The following NEURL1 variants were observed in gnomAD, a reference collection of about 807,000 sequenced individuals.
NEURL1 encodes the protein neuralized E3 ubiquitin protein ligase 1.
A neutral mutation model predicts 41.2 loss-of-function variants in NEURL1; 26 were observed. The observed-to-expected ratio is 0.63, with a 90% CI of 0.46 to 0.87. The LOEUF (loss-of-function observed/expected upper bound fraction) is 0.87, where lower values mean the gene tolerates loss of function less well. NEURL1 is among the 40% of genes least tolerant of loss of function. The probability of loss-of-function intolerance (pLI) is 0.00; values close to 1 mark genes in which losing one functional copy is unlikely to be tolerated. For synonymous variants in NEURL1, 400 were observed against 402.3 expected (o/e 0.99, Z 0.07); for missense variants, 761 against 871.1 (o/e 0.87, Z 1.59).
At chr10:103,570,803 C>T in intron 1 of NEURL1, 69 bp from the exon 2 acceptor site, 1 of 1,562,854 alleles carries the variant, frequency 6.4e-7, no homozygotes. Flanking sequence ...CTCTGCCCTT[C>T]CCTAGGGGAC....
chr10:103,530,848 G>A (rs1196172018), intron 1 of NEURL1, among the ~76,000 whole-genome samples: 2 of 152,038 alleles, frequency 1.3e-5, no homozygotes, highest in East Asian at 3.9e-4. Context: ...CCATGATTTC[G>A]GTTCTTTTAG....
chr10:103,585,192 C>A lies in NEURL1; in HGVS notation c.1306C>A (p.Leu436Met). Residue 436 changes from leucine to methionine, a missense_variant, in exon 4 of 6, where the codon CTG (leucine) becomes ATG (methionine). Transcript: ENST00000369780. ...GCAGCCGCTTTGGATGCTCTTCGGC[C>A]TGCACGGGACCATCACGCAGATCCG... ...ASQPLWMLFGLHGTITQIRIL... is the reference protein window; with the variant it reads ...ASQPLWMLFGMHGTITQIRIL... 1 of 1,571,842 alleles carries A rather than the reference C, an allele frequency of 6.4e-7. No homozygotes were observed. The highest frequency in any genetic ancestry group is 8.6e-7 in the Non-Finnish European group (1 of 1,162,650).
rs1232584089 is a variant in NEURL1, at chr10:103,558,981, A to C, written c.86-11891A>C. Among the ~76,000 whole-genome samples the C allele has an allele frequency of 6.6e-6, 1 of 152,092 alleles. No individual in the cohort carries two copies. Among genetic ancestry groups the C allele is most frequent in the Non-Finnish European group, 1.5e-5 (1 of 68,020 alleles). On this transcript the variant is annotated intron_variant, in intron 1 of 5. Coordinates refer to ENST00000369780, the MANE Select transcript of NEURL1 (RefSeq NM_004210.5). This position sits in a 1 kb window ranked among gnomAD's most constrained non-coding sequence, Gnocchi z 4.2. ...GAGGATGCTGGCGTACAGGGACCCGAGACATTGGCTCCCACCCCCTCCTGT... is the reference window on the plus strand; with the variant it reads ...GAGGATGCTGGCGTACAGGGACCCGCGACATTGGCTCCCACCCCCTCCTGT...
At chr10:103,514,807 G>T (rs1311588098) in intron 1 of NEURL1, among the ~76,000 whole-genome samples, 1 of 152,170 alleles carries the variant, frequency 6.6e-6, no homozygotes, top group Non-Finnish European at 1.5e-5. Flanking sequence ...AAGCATGCAT[G>T]CCCAGGGCCA....
chr10:103,510,141 G>A (rs574317510), intron 1 of NEURL1, among the ~76,000 whole-genome samples: 1 of 152,236 alleles, frequency 6.6e-6, no homozygotes, highest in Non-Finnish European at 1.5e-5. Context: ...CTGACACCTG[G>A]GAGGCCCAGG....
In NEURL1 at chr10:103,494,443, C is replaced by A; in HGVS notation, c.56C>A (p.Ala19Glu). 1 of 1,597,024 alleles carries A rather than the reference C, an allele frequency of 6.3e-7. No homozygotes were observed. Among genetic ancestry groups the A allele is most frequent in the Non-Finnish European group, 8.5e-7 (1 of 1,172,164 alleles). ...CTGCCCCGAGGAAACCCGAGCCGCG[C>A]GCCGCGGGGCCACCCCCAGAACCTC... ...PSLPRGNPSRAPRGHPQNLKD... is the reference protein window; with the variant it reads ...PSLPRGNPSREPRGHPQNLKD... The change falls in exon 1 of 6, where the codon GCG (alanine) becomes GAG (glutamate). Residue 19 changes from alanine to glutamate, a missense_variant. Ala to Glu is a moderately radical substitution (Grantham distance 107, BLOSUM62 -1). This residue lies in a region of NEURL1 where 94 missense variants were observed against 96.6 expected (regional missense o/e 0.97). Transcript: ENST00000369780.
intron 1 of NEURL1, among the ~76,000 whole-genome samples, chr10:103,548,295 C>T (rs972593473): frequency 2.0e-5 from 3 of 152,040 alleles, no homozygotes; most frequent in African/African-American, 7.2e-5. Flanking sequence ...TAAAGCAGGT[C>T]TTCTATTTCT....
chr10:103,590,140 C>T lies in NEURL1; in HGVS notation c.1493C>T (p.Ala498Val). Residue 498 changes from alanine to valine, a missense_variant, in exon 6 of 6, where the codon GCC becomes GTC. Ala to Val is a moderately conservative substitution (Grantham distance 64). Transcript: ENST00000369780. ...GPLGSSAGGT[A>V]PNSPVSLPES... The stretch of plus-strand genomic sequence containing the variant: ...GGTGCCCCCTTGTCCTCAGGGACAG[C>T]CCCCAATTCGCCAGTGAGCCTGCCC... 2 of 1,613,616 alleles carry T rather than the reference C, an allele frequency of 1.2e-6. No homozygotes were observed. The highest frequency in any genetic ancestry group is 1.7e-6 in the Non-Finnish European group (2 of 1,180,020).
At chr10:103,586,978 G>A (rs1404111128) in intron 4 of NEURL1, among the ~76,000 whole-genome samples, 1 of 152,138 alleles carries the variant, frequency 6.6e-6, no homozygotes, top group Non-Finnish European at 1.5e-5. Context: ...TTGAACCTGG[G>A]AGGCAGAGGC....
At chr10:103,551,599 C>T (rs1564818541) in intron 1 of NEURL1, among the ~76,000 whole-genome samples, 1 of 152,152 alleles carries the variant, frequency 6.6e-6, no homozygotes, top group Non-Finnish European at 1.5e-5. Context: ...CCACTGTGCC[C>T]GGCCCCAAAT....
intron 1 of NEURL1, chr10:103,557,971 C>A (rs1592220765): frequency 6.5e-6 from 1 of 153,212 alleles, no homozygotes; most frequent in Non-Finnish European, 1.5e-5. Context: ...ACTCTGCCTC[C>A]TGAGTTCAAG....
chr10:103,512,605 T>C (rs1256989108), intron 1 of NEURL1, among the ~76,000 whole-genome samples: 1 of 152,156 alleles, frequency 6.6e-6, no homozygotes, highest in Non-Finnish European at 1.5e-5. Context: ...AAGACCAGCC[T>C]GGGTGACATG....
In NEURL1 at chr10:103,572,477, A is replaced by G. The variant is rs1054819455; in HGVS notation, c.649+655A>G. ...GACTCTTGGCTGCTCCCTGGCCCCC[A>G]GCGTAAGTTAGGCTCTTTGAGGACA... On this transcript the variant is annotated intron_variant, in intron 3 of 5. Coordinates refer to ENST00000369780, the MANE Select transcript of NEURL1 (RefSeq NM_004210.5). 2.6e-5 allele frequency among the ~76,000 whole-genome samples: 4 copies of G among 152,350 alleles called. No homozygotes were observed. The East Asian group carries it at 7.7e-4, about 29-fold the overall frequency.
At chr10:103,547,268 A>G (rs546575173) in intron 1 of NEURL1, among the ~76,000 whole-genome samples, 1 of 152,302 alleles carries the variant, frequency 6.6e-6, no homozygotes, top group East Asian at 1.9e-4. Context: ...CACTGGTGGC[A>G]CTGAGTAGTA....
Position 103,585,133 on chromosome 10 carries a change from C to A in NEURL1, c.1247C>A (p.Ala416Glu). Residue 416 changes from alanine (A) to glutamate (E), a missense_variant, in exon 4 of 6, where the codon GCG (alanine) becomes GAG (glutamate). Coordinates refer to ENST00000369780, the MANE Select transcript of NEURL1 (RefSeq NM_004210.5). ...DGELHLSHNG[A>E]AAGMQLCVDA... Reference sequence around the variant, plus strand: ...GAGCTGCACCTCAGCCACAATGGCGCGGCCGCCGGCATGCAGCTGTGCGTG... The same window carrying A: ...GAGCTGCACCTCAGCCACAATGGCGAGGCCGCCGGCATGCAGCTGTGCGTG... The A allele has an allele frequency of 6.3e-7, 1 of 1,590,712 alleles. No individual in the cohort carries two copies. The highest frequency in any genetic ancestry group is 1.1e-5 in the South Asian group (1 of 89,312).
intron 3 of NEURL1, among the ~76,000 whole-genome samples, chr10:103,578,669 T>G (rs1295744685): frequency 6.6e-6 from 1 of 152,246 alleles, no homozygotes; most frequent in African/African-American, 2.4e-5. Context: ...TCTTAAAGTC[T>G]GTGACTGTGA....
chr10:103,585,261 T>C (rs1168201979), intron 4 of NEURL1, 36 bp downstream of exon 4: 1 of 1,446,774 alleles, frequency 6.9e-7, no homozygotes, highest in Non-Finnish European at 9.1e-7. Flanking sequence ...CGTATGCCTT[T>C]CCTGGAGGCG....
At chr10:103,498,939 T>C (rs1421982483) in intron 1 of NEURL1, among the ~76,000 whole-genome samples, 3 of 152,266 alleles carry the variant, frequency 2.0e-5, no homozygotes, top group Admixed American at 2.0e-4. Context: ...ATTCATCAGT[T>C]GGTGGACTTT....
chr10:103,532,457 T>A (rs2034592127), intron 1 of NEURL1, among the ~76,000 whole-genome samples: 1 of 152,210 alleles, frequency 6.6e-6, no homozygotes, highest in African/African-American at 2.4e-5. Flanking sequence ...GCTAGTCCAG[T>A]GGTGATGAAT....
Sources: allele counts gnomAD v4.1 joint callset (sites outside exome capture counted in the v4.1 genomes callset), GRCh38; gene constraint gnomAD v4.1.1; regional missense constraint gnomAD v4.1.1; non-coding constraint Gnocchi (gnomAD v3.1); transcripts MANE v1.5; gene names NCBI Gene and HGNC (gene_info 2026-07-23, HGNC 2026-07-21).